Variants in OTUD7A observed in about 807,000 individuals in gnomAD.
The protein encoded by OTUD7A is OTU deubiquitinase 7A, also known as OTU domain-containing protein 7A.
Under a neutral mutation model 65.7 loss-of-function variants are expected in OTUD7A, and 12 were observed. That is an observed-to-expected ratio of 0.18 (90% CI 0.12 to 0.30). The LOEUF is 0.30. Among genes scored for constraint, OTUD7A ranks in the 10% least tolerant of loss-of-function variants. The pLI, the probability that OTUD7A is intolerant of heterozygous loss-of-function variation, is 1.00. For synonymous variants in OTUD7A, 641 were observed against 586.3 expected (o/e 1.09, Z -1.35); for missense variants, 1,148 against 1,304.8 (o/e 0.88, Z 1.85).
chr15:31,594,483 T>C (rs762836494), intron 3 of OTUD7A, among the ~76,000 whole-genome samples: 6 of 152,138 alleles, frequency 3.9e-5, no homozygotes, highest in African/African-American at 1.4e-4. Flanking sequence ...ACAGTGTCTG[T>C]GTATGCCAGG....
intron 3 of OTUD7A, among the ~76,000 whole-genome samples, chr15:31,584,514 T>G (rs1889468464): frequency 6.6e-6 from 1 of 152,202 alleles, no homozygotes; most frequent in Non-Finnish European, 1.5e-5. Flanking sequence ...CTAATGACCT[T>G]GCCTGAGCAG....
chr15:31,621,495 T>C (rs1279280660), intron 3 of OTUD7A, among the ~76,000 whole-genome samples: 1 of 152,240 alleles, frequency 6.6e-6, no homozygotes, highest in African/African-American at 2.4e-5. Flanking sequence ...CTTTTCTTGC[T>C]GAATTGATCC....
chr15:31,507,564 T>C (rs1393755944), intron 8 of OTUD7A, among the ~76,000 whole-genome samples: 1 of 152,112 alleles, frequency 6.6e-6, no homozygotes, highest in African/African-American at 2.4e-5. Flanking sequence ...CAAGATTTAT[T>C]GTGGAGAGAG....
At chr15:31,604,329 C>A (rs1890171668) in intron 3 of OTUD7A, among the ~76,000 whole-genome samples, 1 of 151,996 alleles carries the variant, frequency 6.6e-6, no homozygotes, top group Non-Finnish European at 1.5e-5. Flanking sequence ...TCATTATCAG[C>A]AAACTAACAC....
At chr15:31,542,314 A>G (rs1263710086) in intron 5 of OTUD7A, among the ~76,000 whole-genome samples, 1 of 152,170 alleles carries the variant, frequency 6.6e-6, no homozygotes, top group East Asian at 1.9e-4. Flanking sequence ...AGAATTAAAC[A>G]AAATATGACC....
intron 5 of OTUD7A, among the ~76,000 whole-genome samples, chr15:31,535,808 C>G (rs1301461885): frequency 3.3e-5 from 5 of 151,690 alleles, no homozygotes; most frequent in Non-Finnish European, 7.4e-5. Flanking sequence ...TCCCGAGTAG[C>G]TGGGACTACA....
At chr15:31,603,702 A>G (rs1890150961) in intron 3 of OTUD7A, among the ~76,000 whole-genome samples, 1 of 152,142 alleles carries the variant, frequency 6.6e-6, no homozygotes, top group African/African-American at 2.4e-5. Flanking sequence ...CCATCTAACA[A>G]TGGGCTAATA....
chr15:31,829,424 C>T (rs941775615), intron 1 of OTUD7A, among the ~76,000 whole-genome samples: 23 of 152,238 alleles, frequency 1.5e-4, no homozygotes, highest in African/African-American at 5.1e-4. Context: ...TGCCATCTTT[C>T]GTCTTGGTTC....
intron 5 of OTUD7A, among the ~76,000 whole-genome samples, chr15:31,541,983 T>A (rs1888000253): frequency 6.6e-6 from 1 of 152,134 alleles, no homozygotes; most frequent in Non-Finnish European, 1.5e-5. Context: ...CTAAATTGAT[T>A]TGTGGCTTGG....
chr15:31,556,618 G>C (rs761608246), intron 5 of OTUD7A: 2 of 152,268 alleles, frequency 1.3e-5, no homozygotes, highest in Non-Finnish European at 2.9e-5. Context: ...GGCTCAAGGA[G>C]AAGGTAACAT....
At chr15:31,832,624 G>A (rs533600466) in intron 1 of OTUD7A, among the ~76,000 whole-genome samples, 4 of 152,054 alleles carry the variant, frequency 2.6e-5, no homozygotes, top group Admixed American at 6.5e-5. Context: ...CTCATCCCTC[G>A]TCGCCCACAA....
At chr15:31,735,500 C>G (rs1283514720) in intron 1 of OTUD7A, among the ~76,000 whole-genome samples, 1 of 148,540 alleles carries the variant, frequency 6.7e-6, no homozygotes, top group African/African-American at 2.5e-5. Flanking sequence ...CGCCACTGTA[C>G]TACAGCCTGG....
chr15:31,689,302 G>A (rs900198631), intron 1 of OTUD7A: 8 of 150,454 alleles, frequency 5.3e-5, no homozygotes, highest in African/African-American at 7.5e-5. Flanking sequence ...TGTCAGAGGC[G>A]GTGACTGCAC....
chr15:31,698,128 A>C (rs1384848049), intron 1 of OTUD7A, among the ~76,000 whole-genome samples: 1 of 152,268 alleles, frequency 6.6e-6, no homozygotes, highest in African/African-American at 2.4e-5. Flanking sequence ...TATGCTAGTG[A>C]CAATTCCATC....
chr15:31,798,081 T>C (rs1050427106), intron 1 of OTUD7A, among the ~76,000 whole-genome samples: 2 of 152,138 alleles, frequency 1.3e-5, no homozygotes, highest in African/African-American at 2.4e-5. Context: ...ACATCAGTCA[T>C]ATAGGATTAG....
At chr15:31,486,558 G>A (rs941322417) in intron 12 of OTUD7A, among the ~76,000 whole-genome samples, 7 of 152,140 alleles carry the variant, frequency 4.6e-5, no homozygotes, top group African/African-American at 1.7e-4. Context: ...ACATCAATCA[G>A]TCAGATGCTT....
intron 1 of OTUD7A, among the ~76,000 whole-genome samples, chr15:31,755,660 T>A (rs1380620025): frequency 6.6e-6 from 1 of 151,496 alleles, no homozygotes; most frequent in East Asian, 1.9e-4. Context: ...AGGTGGAGCT[T>A]GCAGTGAGCA....
chr15:31,812,907 T>C (rs1377707675), intron 1 of OTUD7A, among the ~76,000 whole-genome samples: 1 of 152,064 alleles, frequency 6.6e-6, no homozygotes, highest in Non-Finnish European at 1.5e-5. Context: ...AATATAAGGG[T>C]TTAGCTGTCA....
intron 10 of OTUD7A, among the ~76,000 whole-genome samples, chr15:31,494,630 A>G (rs1255332532): frequency 6.6e-6 from 1 of 152,222 alleles, no homozygotes; most frequent in Non-Finnish European, 1.5e-5. Flanking sequence ...ACTCATGCCA[A>G]AAGTGGGTGG....
Sources: gnomAD v4.1 joint callset for allele counts (sites outside exome capture counted in the v4.1 genomes callset) on GRCh38, gnomAD v4.1.1 for gene constraint, MANE v1.5 for transcripts, NCBI Gene and HGNC (gene_info 2026-07-23, HGNC 2026-07-21) for gene names.